THADA: variants seen among roughly 807,000 people sequenced by gnomAD.
The protein encoded by THADA is tRNA (32-2'-O)-methyltransferase regulator THADA.
Under a neutral mutation model 219.8 loss-of-function variants are expected in THADA, and 213 were observed. The ratio of observed to expected loss-of-function variants is 0.97; its 90% CI spans 0.87 to 1.09. The LOEUF (loss-of-function observed/expected upper bound fraction) is 1.09. Among genes scored for constraint, THADA ranks in the 50% least tolerant of loss-of-function variants. The pLI is 0.00. For missense variants in THADA, 2,956 were observed against 2,311.3 expected, an observed-to-expected ratio of 1.28 and a Z score of -5.72; for synonymous variants, 1,018 against 828.9, an observed-to-expected ratio of 1.23 and a Z score of -3.92.
At chr2:43,326,210 G>A (rs1264916748) in intron 30 of THADA, among the ~76,000 whole-genome samples, 2 of 151,822 alleles carry the variant, frequency 1.3e-5, no homozygotes, top group African/African-American at 4.8e-5. Flanking sequence ...AGTGTAGTTG[G>A]GAAAACACAC....
In THADA at chr2:43,487,276, C is replaced by G. The variant is rs567924611; in HGVS notation, c.3745-1951G>C. Among the ~76,000 whole-genome samples the G allele has an allele frequency of 2.0e-5, 3 of 152,200 alleles. 1 individual carries two copies. In the South Asian group the frequency reaches 6.2e-4, roughly 32 times the overall value. On this transcript the variant is annotated intron_variant, in intron 25 of 37. Transcript: ENST00000405975. ...GGACCTTCTCTCCTCTCAGAAATCA[C>G]ACAAAAACACAAAAAGAAAAGGAAA... is the stretch of plus-strand genomic sequence containing the variant.
chr2:43,456,208 TA>T (rs1166787637), intron 26 of THADA, among the ~76,000 whole-genome samples: 5 of 152,258 alleles, frequency 3.3e-5, no homozygotes, highest in Non-Finnish European at 7.4e-5. Flanking sequence ...AAAATCACAT[TA>T]AAAGTTTAAA....
At chr2:43,562,014 T>C (rs563221870) in intron 15 of THADA, among the ~76,000 whole-genome samples, 1 of 152,342 alleles carries the variant, frequency 6.6e-6, no homozygotes, top group African/African-American at 2.4e-5. Flanking sequence ...CACATGGTAT[T>C]TCCATTTTCA....
chr2:43,237,681 G>A (rs1312328117), intron 36 of THADA, among the ~76,000 whole-genome samples: 3 of 151,904 alleles, frequency 2.0e-5, no homozygotes, highest in Admixed American at 6.6e-5. Flanking sequence ...TTACAGGCGT[G>A]AGCCACCACG....
chr2:43,342,290 T>A (rs1394685453), intron 30 of THADA, among the ~76,000 whole-genome samples: 1 of 152,218 alleles, frequency 6.6e-6, no homozygotes, highest in Admixed American at 6.5e-5. Context: ...AGACACAAGA[T>A]AATTTCTCCA....
At chr2:43,406,940 C>T (rs1017605931) in intron 28 of THADA, among the ~76,000 whole-genome samples, 1 of 152,202 alleles carries the variant, frequency 6.6e-6, no homozygotes, top group African/African-American at 2.4e-5. Flanking sequence ...TCGCAAAACC[C>T]TTCACAATGT....
chr2:43,491,295 T>C (rs1029234702), intron 25 of THADA, among the ~76,000 whole-genome samples: 37 of 152,200 alleles, frequency 2.4e-4, no homozygotes, highest in African/African-American at 8.0e-4. Context: ...AATACATTAG[T>C]AGTATTGGCA....
intron 21 of THADA, among the ~76,000 whole-genome samples, chr2:43,533,428 A>G (rs1254551673): frequency 6.6e-6 from 1 of 152,172 alleles, no homozygotes; most frequent in East Asian, 1.9e-4. Flanking sequence ...TACTATAAAG[A>G]CACATGCACA....
At chr2:43,511,048 G>A (rs1469912758) in intron 22 of THADA, among the ~76,000 whole-genome samples, 2 of 151,362 alleles carry the variant, frequency 1.3e-5, no homozygotes, top group African/African-American at 2.4e-5. Context: ...AAGAAAAGAA[G>A]CTGGAATTAT....
intron 22 of THADA, among the ~76,000 whole-genome samples, chr2:43,522,517 C>A (rs951491086): frequency 3.3e-5 from 5 of 152,178 alleles, no homozygotes; most frequent in African/African-American, 9.7e-5. Flanking sequence ...TTAATATAAT[C>A]ATTCCCTAAG....
At chr2:43,338,030 C>T (rs1666665228) in intron 30 of THADA, among the ~76,000 whole-genome samples, 1 of 151,792 alleles carries the variant, frequency 6.6e-6, no homozygotes, top group African/African-American at 2.4e-5. Context: ...AAATATTTTC[C>T]ATTAAAATGT....
intron 31 of THADA, among the ~76,000 whole-genome samples, chr2:43,303,671 T>C (rs953131131): frequency 2.0e-5 from 3 of 147,230 alleles, no homozygotes; most frequent in Non-Finnish European, 3.0e-5. Context: ...CACATAATTA[T>C]GGATACAGTG....
chr2:43,271,811 C>T (rs1286825108), intron 36 of THADA, among the ~76,000 whole-genome samples: 1 of 151,990 alleles, frequency 6.6e-6, no homozygotes, highest in African/African-American at 2.4e-5. Flanking sequence ...GAAGGGGTTT[C>T]ACCATGTTGG....
At chr2:43,555,464 T>C (rs75019673) in intron 17 of THADA, among the ~76,000 whole-genome samples, 42 of 152,144 alleles carry the variant, frequency 2.8e-4, no homozygotes, top group South Asian at 8.3e-4. Flanking sequence ...AAATATCTCA[T>C]AAAGTCCTAA....
chr2:43,379,577 G>T (rs895697287), intron 29 of THADA, among the ~76,000 whole-genome samples: 1 of 152,162 alleles, frequency 6.6e-6, no homozygotes, highest in African/African-American at 2.4e-5. Flanking sequence ...AGAGCAACAG[G>T]AACTCTCATT....
intron 29 of THADA, among the ~76,000 whole-genome samples, chr2:43,375,816 T>C (rs1248712174): frequency 6.6e-6 from 1 of 152,170 alleles, no homozygotes; most frequent in Non-Finnish European, 1.5e-5. Context: ...CTGCTGACAG[T>C]GTTAAGACAG....
At chr2:43,266,367 G>A (rs1229904164) in intron 36 of THADA, among the ~76,000 whole-genome samples, 10 of 152,130 alleles carry the variant, frequency 6.6e-5, no homozygotes, top group Non-Finnish European at 1.2e-4. Context: ...CGAGGCGGGC[G>A]GATCACAAGG....
chr2:43,430,692 T>C (rs775992362), intron 26 of THADA: 10 of 455,418 alleles, frequency 2.2e-5, no homozygotes, highest in South Asian at 1.6e-4. Flanking sequence ...AGAACAAGCG[T>C]TCCCAACCCT....
At chr2:43,576,739 C>T (rs369317626) in intron 10 of THADA, among the ~76,000 whole-genome samples, 1 of 152,178 alleles carries the variant, frequency 6.6e-6, no homozygotes, top group Admixed American at 6.5e-5. Context: ...ACTGCATCCT[C>T]GGCCTCCTGG....
Sources: allele counts gnomAD v4.1 joint callset (sites outside exome capture counted in the v4.1 genomes callset), GRCh38; gene constraint gnomAD v4.1.1; transcripts MANE v1.5; gene names NCBI Gene and HGNC (gene_info 2026-07-23, HGNC 2026-07-21).